PSD3: variants seen among roughly 807,000 people sequenced by gnomAD.
PSD3 encodes PH and SEC7 domain-containing protein 3.
PSD3 carries 49 observed loss-of-function variants against 105.5 expected under a neutral mutation model. The ratio of observed to expected loss-of-function variants is 0.46; its 90% CI spans 0.37 to 0.59. The LOEUF is 0.59. PSD3 is among the 20% of genes least tolerant of loss of function. PSD3 has a pLI of 0.00. For synonymous variants in PSD3, 557 were observed against 457.8 expected (o/e 1.22, Z -2.77); for missense variants, 1,561 against 1,263.8 (o/e 1.24, Z -3.57).
intron 1 of PSD3, among the ~76,000 whole-genome samples, chr8:19,050,780 T>A (rs886673792): frequency 3.3e-5 from 5 of 152,126 alleles, no homozygotes; most frequent in African/African-American, 1.2e-4. Flanking sequence ...GGCACATGTA[T>A]ACATATGTAA....
chr8:18,926,599 T>C (rs1441308418), intron 2 of PSD3, among the ~76,000 whole-genome samples: 1 of 151,990 alleles, frequency 6.6e-6, no homozygotes, highest in Non-Finnish European at 1.5e-5. Flanking sequence ...CTAGGATAAT[T>C]ATAATTTAAA....
At chr8:19,005,208 G>A (rs937203291) in intron 1 of PSD3, among the ~76,000 whole-genome samples, 2 of 151,980 alleles carry the variant, frequency 1.3e-5, no homozygotes, top group African/African-American at 2.4e-5. Flanking sequence ...CCCATCAACT[G>A]ATGAACGGAT....
intron 2 of PSD3, among the ~76,000 whole-genome samples, chr8:18,897,224 T>C (rs933772650): frequency 2.6e-5 from 4 of 152,222 alleles, no homozygotes; most frequent in African/African-American, 4.8e-5. Context: ...TGGCCATCTA[T>C]ATGTCTTCTT....
chr8:18,586,115 T>C (rs1209985027), intron 12 of PSD3, among the ~76,000 whole-genome samples: 1 of 152,140 alleles, frequency 6.6e-6, no homozygotes, highest in Non-Finnish European at 1.5e-5. Context: ...TATGGGAGCA[T>C]AAACACAGGG....
chr8:18,712,322 A>G (rs1802304879), intron 9 of PSD3, among the ~76,000 whole-genome samples: 1 of 152,090 alleles, frequency 6.6e-6, no homozygotes, highest in Non-Finnish European at 1.5e-5. Flanking sequence ...TTCCAAAAAA[A>G]AAAAATCAAT....
At chr8:18,624,582 T>A (rs1168278515) in intron 11 of PSD3, among the ~76,000 whole-genome samples, 1 of 147,952 alleles carries the variant, frequency 6.8e-6, no homozygotes, top group Non-Finnish European at 1.5e-5. Context: ...ATATACCTAA[T>A]GCTAAATGAC....
intron 8 of PSD3, among the ~76,000 whole-genome samples, chr8:18,779,216 C>T (rs1313177420): frequency 2.0e-5 from 3 of 152,198 alleles, no homozygotes; most frequent in South Asian, 2.1e-4. Context: ...ATCTGTTTCC[C>T]GTAGGTTCCA....
rs181663168 is a variant in PSD3, at chr8:19,012,594, T to G, written c.21+969A>C. ...CAGAAGCTTCCTCTGAGATCCTCCA[T>G]GGTAGCCTACGCATAAGTCTCTCCC... is the stretch of plus-strand genomic sequence containing the variant. On this transcript the variant is annotated intron_variant, in intron 1 of 15. Coordinates refer to ENST00000327040, the MANE Select transcript of PSD3 (RefSeq NM_015310.4). Among the ~76,000 whole-genome samples, 23 of 152,256 alleles carry G rather than the reference T, an allele frequency of 1.5e-4. No individual in the cohort carries two copies. In the East Asian group the frequency reaches 4.3e-3, roughly 28 times the overall value.
Position 18,786,926 on chromosome 8 carries a change from A to G in PSD3, c.2082+12369T>C, listed in dbSNP as rs550455002. The G allele has an allele frequency of 1.7e-3, 254 of 152,242 alleles. 4 individuals are homozygous for G. Among genetic ancestry groups the G allele is most frequent in the African/African-American group, 5.8e-3 (242 of 41,552 alleles). The allele number at this position is 152,242 out of a possible 1,614,324, so 9.4% of individuals were successfully genotyped here. ...GCACATATTTAAACACATTCCTTCC[A>G]CTCAGGCGTTTATACCATTTCCAAA... On this transcript the variant is annotated intron_variant, in intron 8 of 15. Transcript: ENST00000327040.
intron 9 of PSD3, among the ~76,000 whole-genome samples, chr8:18,725,056 T>C (rs1803252222): frequency 6.6e-6 from 1 of 152,236 alleles, no homozygotes; most frequent in Non-Finnish European, 1.5e-5. Flanking sequence ...TTCCTTGTTC[T>C]TTTCTACCAA....
At chr8:18,620,797 C>T (rs1806058441) in intron 11 of PSD3, among the ~76,000 whole-genome samples, 1 of 152,294 alleles carries the variant, frequency 6.6e-6, no homozygotes, top group Middle Eastern at 3.4e-3. Context: ...ACATTCTTAT[C>T]CCCATGATTA....
chr8:18,792,490 C>T (rs1421837650), intron 8 of PSD3, among the ~76,000 whole-genome samples: 1 of 152,106 alleles, frequency 6.6e-6, no homozygotes, highest in African/African-American at 2.4e-5. Context: ...TGTGTGCTCA[C>T]TTGTAAGTGG....
intron 9 of PSD3, among the ~76,000 whole-genome samples, chr8:18,687,686 CGTGTGTGTGTTTGGGTTT>C (rs1800738002): frequency 6.6e-6 from 1 of 151,942 alleles, no homozygotes; most frequent in Non-Finnish European, 1.5e-5. Context: ...TGTCCACGTG[CGTGTGTGTGTTTGGGTTT>C]GTGTGTGTGC....
chr8:18,841,119 C>A lies in PSD3; in HGVS notation c.1634+26555G>T, dbSNP rs138749035. ...TTGGGTAAAAATCAAGTTTACAACC[C>A]AAACCACCTACTAAGCCTGCTGCCA... On this transcript the variant is annotated intron_variant, in intron 4 of 15. Coordinates refer to ENST00000327040, the MANE Select transcript of PSD3 (RefSeq NM_015310.4). Among the ~76,000 whole-genome samples, 1,027 of 152,280 alleles carry A rather than the reference C, an allele frequency of 6.7e-3. 9 individuals are homozygous for A. The highest frequency in any genetic ancestry group is 0.02 in the Middle Eastern group (6 of 294).
chr8:18,966,136 C>G (rs1402780327), intron 1 of PSD3, among the ~76,000 whole-genome samples: 1 of 152,200 alleles, frequency 6.6e-6, no homozygotes, highest in Non-Finnish European at 1.5e-5. Context: ...AAAGAGTTGA[C>G]TATACCAGGC....
At chr8:18,589,799 G>A (rs1803461839) in intron 12 of PSD3, among the ~76,000 whole-genome samples, 1 of 152,114 alleles carries the variant, frequency 6.6e-6, no homozygotes, top group African/African-American at 2.4e-5. Context: ...AAGAAACTCT[G>A]GAGCTGAAAG....
At chr8:18,539,542 A>C (rs1490162863) in intron 15 of PSD3, among the ~76,000 whole-genome samples, 2 of 150,688 alleles carry the variant, frequency 1.3e-5, no homozygotes, top group Non-Finnish European at 2.9e-5. Flanking sequence ...TATATTAGTA[A>C]ATTACTTTTT....
chr8:18,779,244 T>C (rs1808381528), intron 8 of PSD3, among the ~76,000 whole-genome samples: 1 of 152,200 alleles, frequency 6.6e-6, no homozygotes, highest in Admixed American at 6.5e-5. Context: ...CAGACAGTTG[T>C]TCACGATAGT....
chr8:18,827,026 A>G (rs978000442), intron 4 of PSD3, among the ~76,000 whole-genome samples: 10 of 152,072 alleles, frequency 6.6e-5, no homozygotes, highest in Non-Finnish European at 4.4e-5. Flanking sequence ...ACCAATATTA[A>G]TGTCACAGTT....
Sources: allele counts gnomAD v4.1 joint callset (sites outside exome capture counted in the v4.1 genomes callset), GRCh38; gene constraint gnomAD v4.1.1; transcripts MANE v1.5; gene names NCBI Gene and HGNC (gene_info 2026-07-23, HGNC 2026-07-21).